The following KAT2B variants were observed in gnomAD, a reference collection of about 807,000 sequenced individuals.
KAT2B encodes the protein lysine acetyltransferase 2B.
A neutral mutation model predicts 105.9 loss-of-function variants in KAT2B; 36 were observed. The ratio of observed to expected loss-of-function variants is 0.34; its 90% CI spans 0.26 to 0.45. The LOEUF (loss-of-function observed/expected upper bound fraction) is 0.45. KAT2B is among the 20% of genes least tolerant of loss of function. KAT2B has a pLI of 1.00. For synonymous variants in KAT2B, 397 were observed against 377.9 expected, an observed-to-expected ratio of 1.05 and a Z score of -0.59; for missense variants, 820 against 1,021.6, an observed-to-expected ratio of 0.80 and a Z score of 2.69.
At chr3:20,107,087 C>T (rs1394839154) in intron 5 of KAT2B, among the ~76,000 whole-genome samples, 1 of 114,430 alleles carries the variant, frequency 8.7e-6, no homozygotes, top group Non-Finnish European at 1.7e-5. Flanking sequence ...GGCTGGGGTG[C>T]AGTGGTGCAA....
chr3:20,115,076 C>A, intron 7 of KAT2B, 88 bp downstream of exon 7: 2 of 780,830 alleles, frequency 2.6e-6, no homozygotes, highest in South Asian at 1.5e-5. Context: ...ATACTTAGCT[C>A]TATAGTCAAA....
At chr3:20,050,705 C>CTTTT (rs769997231) in intron 1 of KAT2B, among the ~76,000 whole-genome samples, 1 of 142,438 alleles carries the variant, frequency 7.0e-6, no homozygotes, top group Admixed American at 7.1e-5. Context: ...TGGGATGAAT[C>CTTTT]TTTTTTTTTT....
At chr3:20,053,509 T>G (rs962368037) in intron 1 of KAT2B, among the ~76,000 whole-genome samples, 3 of 152,128 alleles carry the variant, frequency 2.0e-5, no homozygotes, top group Non-Finnish European at 4.4e-5. Flanking sequence ...CACTGTAGTT[T>G]GGGTGACAGA....
At chr3:20,106,682 G>A (rs185467879) in intron 5 of KAT2B, among the ~76,000 whole-genome samples, 1 of 152,086 alleles carries the variant, frequency 6.6e-6, no homozygotes, top group Admixed American at 6.6e-5. Context: ...TCTACCCTGG[G>A]AAGATTGAAT....
chr3:20,078,513 C>T (rs1698459946), intron 2 of KAT2B, among the ~76,000 whole-genome samples: 1 of 151,872 alleles, frequency 6.6e-6, no homozygotes, highest in African/African-American at 2.4e-5. Context: ...GCTGGGACCA[C>T]AGACATGCAG....
intron 10 of KAT2B, among the ~76,000 whole-genome samples, chr3:20,126,938 T>C (rs1699415509): frequency 6.6e-6 from 1 of 152,160 alleles, no homozygotes; most frequent in Admixed American, 6.5e-5. Flanking sequence ...CCTGTGACAA[T>C]TCAGAGTGAT....
At chr3:20,118,173 A>T (rs1016201618) in intron 7 of KAT2B, among the ~76,000 whole-genome samples, 1 of 147,028 alleles carries the variant, frequency 6.8e-6, no homozygotes, top group Non-Finnish European at 1.5e-5. Flanking sequence ...TATATATAAA[A>T]TATATTATAT....
At chr3:20,079,181 A>C (rs1698474614) in intron 2 of KAT2B, among the ~76,000 whole-genome samples, 2 of 146,082 alleles carry the variant, frequency 1.4e-5, no homozygotes, top group East Asian at 4.0e-4. Context: ...GATTACAGGC[A>C]TGAGCCACCA....
chr3:20,112,988 G>A (rs965048568), intron 6 of KAT2B, among the ~76,000 whole-genome samples: 8 of 152,308 alleles, frequency 5.3e-5, no homozygotes, highest in African/African-American at 1.9e-4. Flanking sequence ...GGGTAATTCT[G>A]ATGGGCTTTG....
intron 5 of KAT2B, 70 bp downstream of exon 5, chr3:20,101,538 C>G: frequency 8.0e-7 from 1 of 1,251,758 alleles, no homozygotes; most frequent in African/African-American, 1.5e-5. Context: ...GTACTTGACT[C>G]TATAAGTATA....
chr3:20,098,682 C>A (rs1698855591), intron 3 of KAT2B, among the ~76,000 whole-genome samples: 1 of 152,082 alleles, frequency 6.6e-6, no homozygotes, highest in South Asian at 2.1e-4. Flanking sequence ...AAGTAAGCAA[C>A]CAGAATTATT....
chr3:20,145,463 T>C (rs1282447798), intron 13 of KAT2B, among the ~76,000 whole-genome samples: 1 of 152,016 alleles, frequency 6.6e-6, no homozygotes, highest in Non-Finnish European at 1.5e-5. Context: ...TTTGTTTTCC[T>C]TTGTGAATGC....
intron 10 of KAT2B, among the ~76,000 whole-genome samples, chr3:20,126,842 C>T (rs941394986): frequency 2.3e-5 from 3 of 133,152 alleles, no homozygotes; most frequent in African/African-American, 8.3e-5. Flanking sequence ...AAAAAAAAAC[C>T]CACGAAACCC....
At chr3:20,063,184 CAGCCTTCTG>C (rs1208024016) in intron 1 of KAT2B, among the ~76,000 whole-genome samples, 1 of 152,062 alleles carries the variant, frequency 6.6e-6, no homozygotes, top group Non-Finnish European at 1.5e-5. Flanking sequence ...CTGCCTGCCT[CAGCCTTCTG>C]AGTGGCTGTG....
Position 20,137,105 on chromosome 3 carries a change from C to T in KAT2B, c.1860+53C>T, listed in dbSNP as rs115010922. ...TTGTCACTCCTTTTCTTAATATGTT[C>T]TCAGGTAGCGTTCTTCCAAATAAGT... On this transcript the variant is annotated intron_variant, in intron 12 of 17. Transcript: ENST00000263754. 7.5e-4 allele frequency: 673 copies of T among 895,544 alleles called. 2 individuals are homozygous for T. In the African/African-American group the frequency reaches 9.9e-3, roughly 13 times the overall value. 55.5% of individuals were successfully genotyped at this position (895,544 alleles called of 1,614,324 possible).
chr3:20,092,892 G>A (rs896597987), intron 2 of KAT2B, among the ~76,000 whole-genome samples: 3 of 151,792 alleles, frequency 2.0e-5, no homozygotes, highest in Non-Finnish European at 2.9e-5. Context: ...AGTAGAGATG[G>A]GGTTTCACCA....
intron 5 of KAT2B, among the ~76,000 whole-genome samples, chr3:20,110,672 CAAAAA>C (rs55653348): frequency 2.9e-5 from 2 of 69,484 alleles, no homozygotes; most frequent in African/African-American, 6.1e-5. Context: ...GACCCTGTCT[CAAAAA>C]AAAAAAAAAA....
chr3:20,123,716 A>G (rs773027860), intron 9 of KAT2B, among the ~76,000 whole-genome samples: 16 of 152,288 alleles, frequency 1.1e-4, no homozygotes, highest in Non-Finnish European at 8.8e-5. Context: ...AGTCTCCTTT[A>G]AAACAACTCC....
chr3:20,081,810 A>G (rs895633500), intron 2 of KAT2B, among the ~76,000 whole-genome samples: 5 of 151,334 alleles, frequency 3.3e-5, no homozygotes, highest in Non-Finnish European at 7.4e-5. Context: ...ATAACGAAGA[A>G]TATCCCATAA....
Sources: gnomAD v4.1 joint callset for allele counts (sites outside exome capture counted in the v4.1 genomes callset) on GRCh38, gnomAD v4.1.1 for gene constraint, MANE v1.5 for transcripts, NCBI Gene and HGNC (gene_info 2026-07-23, HGNC 2026-07-21) for gene names.